Variants in PRKAR1B observed in about 807,000 individuals in gnomAD.
PRKAR1B encodes protein kinase cAMP-dependent type I regulatory subunit beta.
Under a neutral mutation model 46.5 loss-of-function variants are expected in PRKAR1B, and 22 were observed. That is an observed-to-expected ratio of 0.47 (90% CI 0.34 to 0.68). The LOEUF is 0.68. Among genes scored for constraint, PRKAR1B ranks in the 30% least tolerant of loss-of-function variants. The pLI is 0.01. For synonymous variants in PRKAR1B, 259 were observed against 217.7 expected (o/e 1.19, Z -1.67); for missense variants, 445 against 535.6 (o/e 0.83, Z 1.67).
chr7:591,461 A>C (rs1780974557), intron 7 of PRKAR1B, among the ~76,000 whole-genome samples: 1 of 152,172 alleles, frequency 6.6e-6, no homozygotes, highest in Admixed American at 6.5e-5. Flanking sequence ...CCCACTTCCC[A>C]TGAGTCGGCT....
intron 8 of PRKAR1B, among the ~76,000 whole-genome samples, chr7:583,812 G>C (rs1192429958): frequency 6.8e-6 from 1 of 146,574 alleles, no homozygotes; most frequent in Non-Finnish European, 1.5e-5. Context: ...GCACACTCAT[G>C]CACACACACG....
chr7:610,368 C>T (rs1399641858), intron 4 of PRKAR1B, among the ~76,000 whole-genome samples: 1 of 152,162 alleles, frequency 6.6e-6, no homozygotes, highest in Non-Finnish European at 1.5e-5. Flanking sequence ...GGCGTGGCCC[C>T]GCTCAGAGCA....
intron 2 of PRKAR1B, among the ~76,000 whole-genome samples, chr7:703,671 A>AGAACCAAGCG (rs1780175405): frequency 6.6e-6 from 1 of 151,810 alleles, no homozygotes; most frequent in Non-Finnish European, 1.5e-5. Context: ...AAAAAAAAAA[A>AGAACCAAGCG]ATCAGCAGGA....
intron 4 of PRKAR1B, among the ~76,000 whole-genome samples, chr7:616,774 A>G (rs987040239): frequency 6.6e-6 from 1 of 152,214 alleles, no homozygotes; most frequent in Non-Finnish European, 1.5e-5. Context: ...TCAAAGACAC[A>G]TTCAGGACAA....
Position 680,646 on chromosome 7 carries a change from G to C in PRKAR1B, c.258C>G (p.Pro86=), listed in dbSNP as rs199568828. The C allele has an allele frequency of 1.2e-6, 2 of 1,613,584 alleles. No homozygotes were observed. The highest frequency in any genetic ancestry group is 8.5e-7 in the Non-Finnish European group (1 of 1,179,894). The change falls in exon 3 of 11, where the codon CCC becomes CCG. Residue 86 remains proline (P), a synonymous_variant. Coordinates refer to ENST00000537384, the MANE Select transcript of PRKAR1B (RefSeq NM_001164760.2). The part of the protein sequence containing the change: ...DSHDEEVSPT[P]PNPVVKARRR... ...GGCGGGCCTTCACCACAGGGTTCGGGGGGGTGGGCGACACCTCCTCATCAT... is the reference window on the plus strand; with the variant it reads ...GGCGGGCCTTCACCACAGGGTTCGGCGGGGTGGGCGACACCTCCTCATCAT...
At chr7:677,873 G>T (rs1778424959) in intron 3 of PRKAR1B, among the ~76,000 whole-genome samples, 2 of 152,198 alleles carry the variant, frequency 1.3e-5, no homozygotes, top group Admixed American at 1.3e-4. Context: ...ATGCACTGAG[G>T]TTATAACATG....
intron 7 of PRKAR1B, among the ~76,000 whole-genome samples, chr7:588,816 A>ATGG (rs1562542313): frequency 3.3e-3 from 141 of 42,586 alleles, no homozygotes; most frequent in South Asian, 5.4e-3. Context: ...GGTGATCACG[A>ATGG]TGATGGTGGT....
intron 4 of PRKAR1B, among the ~76,000 whole-genome samples, chr7:675,862 C>T (rs576465213): frequency 1.1e-4 from 17 of 152,260 alleles, no homozygotes; most frequent in African/African-American, 4.1e-4. Flanking sequence ...AGGAGAATCG[C>T]TTGAACCCAG....
At chr7:660,381 C>T (rs1253518722) in intron 4 of PRKAR1B, among the ~76,000 whole-genome samples, 1 of 151,380 alleles carries the variant, frequency 6.6e-6, no homozygotes, top group Admixed American at 6.6e-5. Context: ...CCTCCCATGG[C>T]ACAGGTCCCC....
chr7:559,919 TA>T (rs1394536826), intron 9 of PRKAR1B, among the ~76,000 whole-genome samples: 1 of 152,006 alleles, frequency 6.6e-6, no homozygotes, highest in African/African-American at 2.4e-5. Context: ...CTACAAAAAG[TA>T]AATTAGCTGG....
chr7:670,032 AT>A (rs897266810), intron 4 of PRKAR1B, among the ~76,000 whole-genome samples: 1 of 149,382 alleles, frequency 6.7e-6, no homozygotes, highest in Non-Finnish European at 1.5e-5. Flanking sequence ...CGCCCAGCTG[AT>A]TTTTTTTTGT....
chr7:573,605 C>G (rs1352621692), intron 9 of PRKAR1B, among the ~76,000 whole-genome samples: 1 of 152,216 alleles, frequency 6.6e-6, no homozygotes, highest in Non-Finnish European at 1.5e-5. Flanking sequence ...GGTGAGCCCC[C>G]CAAGATCACG....
At chr7:673,259 T>C (rs1786390477) in intron 4 of PRKAR1B, among the ~76,000 whole-genome samples, 1 of 152,016 alleles carries the variant, frequency 6.6e-6, no homozygotes, top group Admixed American at 6.6e-5. Flanking sequence ...AAACTGAATT[T>C]TCAACCGGGT....
In PRKAR1B at chr7:550,390, A is replaced by T. The variant is rs1310383846; in HGVS notation, c.*40T>A. 12 of 1,554,842 alleles carry T rather than the reference A, an allele frequency of 7.7e-6. No individual in the cohort carries two copies. Among genetic ancestry groups the T allele is most frequent in the Non-Finnish European group, 1.0e-5 (12 of 1,147,628 alleles). ...CGACACAGACGAGCAGGGCACGGCC[A>T]CCACACTGGGGAGCTGGGGCTGCAG... On this transcript the variant is annotated 3_prime_UTR_variant, in exon 11 of 11. Transcript: ENST00000537384.
chr7:578,964 G>A (rs941434328), intron 9 of PRKAR1B: 78 of 1,184,912 alleles, frequency 6.6e-5, no homozygotes, highest in South Asian at 1.4e-4. Flanking sequence ...TGACAGGCGT[G>A]AGCCGCCGCG....
intron 9 of PRKAR1B, among the ~76,000 whole-genome samples, chr7:571,902 A>G (rs1431171403): frequency 6.6e-6 from 1 of 152,130 alleles, no homozygotes; most frequent in African/African-American, 2.4e-5. Context: ...CCTGGCACAC[A>G]CTGCCGCCTC....
In PRKAR1B at chr7:593,110, C is replaced by T. The variant is rs1403353096; in HGVS notation, c.708+3036G>A. ...GTGCTGGCCCCGGGCTGGGCCCCTG[C>T]CTGGGAGCCTAGAGGTGGGGTCACC... On this transcript the variant is annotated intron_variant, in intron 7 of 10. Transcript: ENST00000537384. The surrounding 1 kb of genome is among the most constrained non-coding windows in gnomAD (Gnocchi z 6.1). 2.0e-5 allele frequency among the ~76,000 whole-genome samples: 3 copies of T among 152,176 alleles called. No homozygotes were observed. In the South Asian group the frequency reaches 6.2e-4, roughly 32 times the overall value.
At chr7:618,005 C>T (rs1223474811) in intron 4 of PRKAR1B, among the ~76,000 whole-genome samples, 1 of 152,106 alleles carries the variant, frequency 6.6e-6, no homozygotes, top group East Asian at 1.9e-4. Flanking sequence ...GCCCCACCCA[C>T]TTTCCCCCAC....
intron 4 of PRKAR1B, among the ~76,000 whole-genome samples, chr7:672,008 G>A (rs756521908): frequency 6.6e-6 from 1 of 152,148 alleles, no homozygotes; most frequent in African/African-American, 2.4e-5. Flanking sequence ...CTTCATGACT[G>A]TGTGCTGCCT....
Sources: allele counts gnomAD v4.1 joint callset (sites outside exome capture counted in the v4.1 genomes callset), GRCh38; gene constraint gnomAD v4.1.1; non-coding constraint Gnocchi (gnomAD v3.1); transcripts MANE v1.5; gene names NCBI Gene and HGNC (gene_info 2026-07-23, HGNC 2026-07-21).